The following CLIP1 variants were observed in gnomAD, a reference collection of about 807,000 sequenced individuals.
CLIP1 encodes CAP-Gly domain-containing linker protein 1.
Under a neutral mutation model 161.6 loss-of-function variants are expected in CLIP1, and 66 were observed. That is an observed-to-expected ratio of 0.41 (90% CI 0.33 to 0.50). CLIP1 has a LOEUF of 0.50. Ranked by LOEUF, CLIP1 falls within the 20% of genes least tolerant of loss-of-function variation. The pLI, the probability that CLIP1 is intolerant of heterozygous loss-of-function variation, is 0.27. For synonymous variants in CLIP1, 598 were observed against 626.2 expected (o/e 0.96, Z 0.67); for missense variants, 1,376 against 1,702.0 (o/e 0.81, Z 3.37).
At position 122,341,441 on chromosome 12, in the gene CLIP1, A is replaced by G. The variant is rs775410509; in HGVS notation, c.1763T>C (p.Ile588Thr). 1 of 1,613,736 alleles carries G rather than the reference A, an allele frequency of 6.2e-7. No individual in the cohort carries two copies. The highest frequency in any genetic ancestry group is 1.7e-5 in the Admixed American group (1 of 59,960). ...GAREETHQKE[I>T]KALYTATEKL... is the part of the protein sequence containing the mutation. ...TTCCGTGGCGGTATACAGAGCCTTT[A>G]TCTCCTTCTGATGAGTTTCTTCCCG... The change falls in exon 11 of 26, where the codon ATA becomes ACA. Residue 588 changes from isoleucine (I) to threonine (T), a missense_variant. Coordinates refer to ENST00000620786, the MANE Select transcript of CLIP1 (RefSeq NM_001247997.2).
At position 122,286,475 on chromosome 12, in the gene CLIP1, C is replaced by T. The variant is rs151059784; in HGVS notation, c.3647+2014G>A. 6.5e-3 allele frequency among the ~76,000 whole-genome samples: 837 copies of T among 129,466 alleles called. 8 individuals carry two copies. The highest frequency in any genetic ancestry group is 0.023 in the East Asian group (101 of 4,320). 84.9% of individuals were successfully genotyped at this position (129,466 alleles called of 152,430 possible). A position where few individuals can be genotyped will look rare whatever the true frequency, so the allele number is the denominator to read the frequency against. ...GGGAGGTTGCAGTGAGAGCCAAGAT[C>T]GCGCCACTGCACTCCAGCCTGGGTG... On this transcript the variant is annotated intron_variant, in intron 21 of 25. Coordinates refer to ENST00000620786, the MANE Select transcript of CLIP1 (RefSeq NM_001247997.2).
At position 122,354,446 on chromosome 12, in the gene CLIP1, G is replaced by C; in HGVS notation, c.1307+7C>G. ...CACACTTGCACCAGGAAACAGTCTG[G>C]GGTCACCTTTTCTCCTCTTCAAGCT... On this transcript the variant is annotated splice_region_variant and intron_variant, in intron 7 of 25. Coordinates refer to ENST00000620786, the MANE Select transcript of CLIP1 (RefSeq NM_001247997.2). The C allele has an allele frequency of 6.2e-7, 1 of 1,609,858 alleles. No homozygotes were observed. Among genetic ancestry groups the C allele is most frequent in the Non-Finnish European group, 8.5e-7 (1 of 1,176,784 alleles).
rs749553276 is a variant in CLIP1, at chr12:122,340,886, A to G, written c.2318T>C (p.Leu773Pro). The change falls in exon 11 of 26, where the codon CTC becomes CCC. Residue 773 changes from leucine to proline, a missense_variant. Coordinates refer to ENST00000620786, the MANE Select transcript of CLIP1 (RefSeq NM_001247997.2). ...TTTCCGAAGTGCATCAAGATCCAAG[A>G]GCTTTTCTTCAGTAGCCTTGAGCTG... ...TSQLKATEEKLLDLDALRKAS... is the reference protein window; with the variant it reads ...TSQLKATEEKPLDLDALRKAS... 2.5e-6 allele frequency: 4 copies of G among 1,614,164 alleles called. No homozygotes were observed. Among genetic ancestry groups the G allele is most frequent in the Non-Finnish European group, 3.4e-6 (4 of 1,180,020 alleles).
chr12:122,356,440 C>T (rs188890757), intron 5 of CLIP1, among the ~76,000 whole-genome samples: 22 of 152,156 alleles, frequency 1.4e-4, no homozygotes, highest in African/African-American at 5.3e-4. Flanking sequence ...TGGCTATTCC[C>T]ATGACGAAAA....
intron 7 of CLIP1, among the ~76,000 whole-genome samples, chr12:122,353,834 T>G (rs1466934059): frequency 6.6e-6 from 1 of 151,716 alleles, no homozygotes; most frequent in East Asian, 2.0e-4. Flanking sequence ...TTTCACCATG[T>G]TGGTCACGTT....
Position 122,272,729 on chromosome 12 carries a change from G to GT in CLIP1, c.*145dup. 4.4e-6 allele frequency: 3 copies of GT among 685,760 alleles called. No individual in the cohort carries two copies. In the South Asian group the frequency reaches 5.6e-5, roughly 13 times the overall value. 42.5% of individuals were successfully genotyped at this position (685,760 alleles called of 1,614,324 possible). A position where few individuals can be genotyped will look rare whatever the true frequency, so the allele number is the denominator to read the frequency against. On this transcript the variant is annotated 3_prime_UTR_variant, in exon 26 of 26. Transcript: ENST00000620786. ...ATACGGGGAGACTAAAGGGCAATTT[G>GT]TTGAAGATCAAAATATTTTCCTAGA...
chr12:122,397,635 T>C lies in CLIP1; in HGVS notation c.-106-17077A>G, dbSNP rs1414743949. 2.2e-5 allele frequency among the ~76,000 whole-genome samples: 3 copies of C among 135,296 alleles called. No individual in the cohort carries two copies. The Admixed American group carries it at 2.3e-4, about 10-fold the overall frequency. 88.8% of individuals were successfully genotyped at this position (135,296 alleles called of 152,430 possible). The stretch of plus-strand genomic sequence containing the variant: ...CTCTCCCCATTTTCCCATCAGTAAA[T>C]ATGTATCCTAAACTTTTCCAAAACT... On this transcript the variant is annotated intron_variant, in intron 1 of 25. Coordinates refer to ENST00000620786, the MANE Select transcript of CLIP1 (RefSeq NM_001247997.2).
chr12:122,415,375 G>T (rs920023776), intron 1 of CLIP1, among the ~76,000 whole-genome samples: 4 of 151,112 alleles, frequency 2.6e-5, no homozygotes, highest in Admixed American at 1.3e-4. Context: ...CCAGCTACTC[G>T]GGAGGCTGAG....
chr12:122,279,123 C>G lies in CLIP1; in HGVS notation c.3670G>C (p.Ala1224Pro). Residue 1224 changes from alanine to proline, a missense_variant, in exon 22 of 26, where the codon GCA becomes CCA. Ala to Pro is a conservative substitution (Grantham distance 27). Around this residue, in one of 6 missense-constraint regions of CLIP1, gnomAD observed 948 missense variants for 1,134.8 expected, o/e 0.84. Transcript: ENST00000620786. This position sits in a 1 kb window ranked among gnomAD's most constrained non-coding sequence, Gnocchi z 4.5. Reference sequence around the variant, plus strand: ...TGCAAGGAAGCTTTCTCTTCATCTGCGTCTTTTATGAACTTGGATTCTCTA... The same window carrying G: ...TGCAAGGAAGCTTTCTCTTCATCTGGGTCTTTTATGAACTTGGATTCTCTA... Reference protein sequence around the residue: ...KKRESKFIKDADEEKASLQKS... With the variant: ...KKRESKFIKDPDEEKASLQKS... 6.2e-7 allele frequency: 1 copy of G among 1,611,164 alleles called. No homozygotes were observed. Among genetic ancestry groups the G allele is most frequent in the East Asian group, 2.2e-5 (1 of 44,860 alleles).
At chr12:122,372,076 G>C (rs1195963489) in intron 3 of CLIP1, among the ~76,000 whole-genome samples, 1 of 151,992 alleles carries the variant, frequency 6.6e-6, no homozygotes, top group Non-Finnish European at 1.5e-5. Flanking sequence ...GAGGTCAGGA[G>C]TTCGAGACCA....
chr12:122,420,036 AT>A (rs1233280070), intron 1 of CLIP1, among the ~76,000 whole-genome samples: 3 of 151,444 alleles, frequency 2.0e-5, no homozygotes, highest in Admixed American at 6.6e-5. Flanking sequence ...GGTAAAAAAA[AT>A]TTTTTTTAAG....
intron 20 of CLIP1, among the ~76,000 whole-genome samples, chr12:122,298,791 C>T (rs1010108521): frequency 9.2e-5 from 14 of 151,698 alleles, no homozygotes; most frequent in African/African-American, 2.9e-4. Context: ...CCTGTCTCTA[C>T]TAAAAATACA....
At chr12:122,294,456 T>C (rs958170762) in intron 20 of CLIP1, among the ~76,000 whole-genome samples, 14 of 150,170 alleles carry the variant, frequency 9.3e-5, no homozygotes, top group Non-Finnish European at 1.6e-4. Context: ...TCCAAAGGAA[T>C]ATGCTAAGTG....
rs1950905911 is a variant in CLIP1, at chr12:122,307,095, C to T, written c.3594+2667G>A. On this transcript the variant is annotated intron_variant, in intron 20 of 25. Coordinates refer to ENST00000620786, the MANE Select transcript of CLIP1 (RefSeq NM_001247997.2). ...CACGATCTCGGCTCACTGTAACCTC[C>T]ACCTCCCAGATTCAAGCAATTCTCT... is the stretch of plus-strand genomic sequence containing the variant. 4.7e-5 allele frequency among the ~76,000 whole-genome samples: 7 copies of T among 148,764 alleles called. No homozygotes were observed. The Admixed American group carries it at 4.7e-4, about 10-fold the overall frequency.
At chr12:122,330,597 G>GTTTTTTTTTTTTTTTTTTTTT (rs71082966) in intron 15 of CLIP1, among the ~76,000 whole-genome samples, 7 of 101,380 alleles carry the variant, frequency 6.9e-5, no homozygotes, top group African/African-American at 3.1e-4. Flanking sequence ...GTATAATGCA[G>GTTTTTTTTTTTTTTTTTTTTT]TTTTTTTTTT....
At chr12:122,418,467 G>A (rs1053255865) in intron 1 of CLIP1, among the ~76,000 whole-genome samples, 3 of 152,178 alleles carry the variant, frequency 2.0e-5, no homozygotes, top group Admixed American at 6.6e-5. Flanking sequence ...TATTTGGATA[G>A]TGGGGCTGGG....
At position 122,377,524 on chromosome 12, in the gene CLIP1, T is replaced by G; in HGVS notation, c.522A>C (p.Pro174=). The G allele has an allele frequency of 6.2e-7, 1 of 1,614,058 alleles. No individual in the cohort carries two copies. Among genetic ancestry groups the G allele is most frequent in the Non-Finnish European group, 8.5e-7 (1 of 1,180,022 alleles). Residue 174 remains proline, a synonymous_variant, in exon 3 of 26, where the codon CCA becomes CCC. Transcript: ENST00000620786. ...GCGTAGCTGAAGGTTCCTTTGCTGCTGGCTGTGATGGTTTCTGAGGGATGT... is the reference window on the plus strand; with the variant it reads ...GCGTAGCTGAAGGTTCCTTTGCTGCGGGCTGTGATGGTTTCTGAGGGATGT... ...PSNIPQKPSQ[P]AAKEPSATPP...
At chr12:122,396,278 G>A (rs566411454) in intron 1 of CLIP1, among the ~76,000 whole-genome samples, 1 of 152,236 alleles carries the variant, frequency 6.6e-6, no homozygotes, top group South Asian at 2.1e-4. Context: ...AAGTCATTTT[G>A]AAAATGCCAG....
intron 3 of CLIP1, among the ~76,000 whole-genome samples, chr12:122,369,750 G>A (rs1340867202): frequency 2.0e-5 from 3 of 151,736 alleles, no homozygotes; most frequent in African/African-American, 7.3e-5. Context: ...GCCAAGGAAG[G>A]GATGCCTGAG....
Sources: allele counts gnomAD v4.1 joint callset (sites outside exome capture counted in the v4.1 genomes callset), GRCh38; gene constraint gnomAD v4.1.1; regional missense constraint gnomAD v4.1.1; non-coding constraint Gnocchi (gnomAD v3.1); transcripts MANE v1.5; gene names NCBI Gene and HGNC (gene_info 2026-07-23, HGNC 2026-07-21).